Variants in PTPRF observed in about 807,000 individuals in gnomAD.
The protein encoded by PTPRF is protein tyrosine phosphatase receptor type F.
Under a neutral mutation model 201.8 loss-of-function variants are expected in PTPRF, and 59 were observed. The observed-to-expected ratio is 0.29, with a 90% CI of 0.24 to 0.36. The LOEUF is 0.36. PTPRF is among the 10% of genes least tolerant of loss of function. The pLI is 1.00. For missense variants in PTPRF, 2,132 were observed against 2,690.5 expected, an observed-to-expected ratio of 0.79 and a Z score of 4.59; for synonymous variants, 1,088 against 1,089.7, an observed-to-expected ratio of 1.00 and a Z score of 0.03.
At chr1:43,558,813 A>C (rs11580074) in intron 5 of PTPRF, among the ~76,000 whole-genome samples, 1 of 151,808 alleles carries the variant, frequency 6.6e-6, no homozygotes, top group Non-Finnish European at 1.5e-5. Context: ...CAGGAGGTTG[A>C]GGGGCAGTGA....
intron 25 of PTPRF, 46 bp downstream of exon 25, chr1:43,617,957 C>A: frequency 6.4e-7 from 1 of 1,566,582 alleles, no homozygotes; most frequent in Non-Finnish European, 8.7e-7. Context: ...AAATGCCCAG[C>A]CACAAGGTGA....
At position 43,604,127 on chromosome 1, in the gene PTPRF, C is replaced by A; in HGVS notation, c.2975C>A (p.Thr992Asn). 6.2e-7 allele frequency: 1 copy of A among 1,614,192 alleles called. No homozygotes were observed. Among genetic ancestry groups the A allele is most frequent in the South Asian group, 1.1e-5 (1 of 91,088 alleles). The change falls in exon 16 of 34, where the codon ACC (threonine) becomes AAC (asparagine). Residue 992 changes from threonine to asparagine, a missense_variant. Thr to Asn is a moderately conservative substitution (Grantham distance 65). This residue lies in a region of PTPRF where 818 missense variants were observed against 915.3 expected (regional missense o/e 0.89). Coordinates refer to ENST00000359947, the MANE Select transcript of PTPRF (RefSeq NM_002840.5). ...TTYDIKVRAW[T>N]SKGSGPLSPS... ...TACGACATCAAGGTCCGCGCATGGA[C>A]CAGCAAAGGCTCTGGCCCACTCAGC...
At chr1:43,540,526 G>A (rs950550507) in intron 2 of PTPRF, among the ~76,000 whole-genome samples, 4 of 152,322 alleles carry the variant, frequency 2.6e-5, no homozygotes, top group Middle Eastern at 3.4e-3. Flanking sequence ...AGGCTTAGGG[G>A]TTACAGCCGC....
At chr1:43,555,210 G>A (rs937856178) in intron 5 of PTPRF, among the ~76,000 whole-genome samples, 1 of 151,838 alleles carries the variant, frequency 6.6e-6, no homozygotes, top group Non-Finnish European at 1.5e-5. Flanking sequence ...TTGAAAAATT[G>A]GAAAGTATAG....
intron 30 of PTPRF, 68 bp downstream of exon 30, chr1:43,620,289 T>C (rs1334010588): frequency 6.3e-7 from 1 of 1,592,300 alleles, no homozygotes; most frequent in Non-Finnish European, 8.6e-7. Context: ...TTGGGGGAGC[T>C]GCCGCCTATG....
At chr1:43,615,255 C>T (rs1657471395) in intron 23 of PTPRF, among the ~76,000 whole-genome samples, 1 of 152,240 alleles carries the variant, frequency 6.6e-6, no homozygotes, top group African/African-American at 2.4e-5. Flanking sequence ...GGCCCTGCTC[C>T]ACACAAGGCT....
intron 23 of PTPRF, among the ~76,000 whole-genome samples, chr1:43,615,189 A>T (rs952077190): frequency 2.0e-5 from 3 of 152,150 alleles, no homozygotes; most frequent in African/African-American, 7.2e-5. Flanking sequence ...AGGCAAATGG[A>T]TGAGTATGTC....
chr1:43,604,144 C>G lies in PTPRF; in HGVS notation c.2992C>G (p.Pro998Ala), dbSNP rs1336043622. The G allele has an allele frequency of 1.9e-6, 3 of 1,614,032 alleles. No homozygotes were observed. Among genetic ancestry groups the G allele is most frequent in the Non-Finnish European group, 2.5e-6 (3 of 1,180,052 alleles). ...CGCATGGACCAGCAAAGGCTCTGGC[C>G]CACTCAGCCCCAGCATCCAGTCCCG... ...VRAWTSKGSG[P>A]LSPSIQSRTM... Residue 998 changes from proline to alanine, a missense_variant, in exon 16 of 34, where the codon CCA becomes GCA. Physicochemically the swap from Pro to Ala is conservative, Grantham distance 27. Coordinates refer to ENST00000359947, the MANE Select transcript of PTPRF (RefSeq NM_002840.5).
intron 5 of PTPRF, among the ~76,000 whole-genome samples, chr1:43,555,287 C>T (rs1037011951): frequency 4.0e-5 from 6 of 150,008 alleles, no homozygotes; most frequent in Non-Finnish European, 7.4e-5. Context: ...GTTACTTACT[C>T]GTGGCCCATT....
At chr1:43,611,777 T>G (rs928053279) in intron 22 of PTPRF, among the ~76,000 whole-genome samples, 3 of 151,842 alleles carry the variant, frequency 2.0e-5, no homozygotes, top group Non-Finnish European at 4.4e-5. Flanking sequence ...GACAGCAGAG[T>G]CCGGGCTTAA....
rs976429795 is a variant in PTPRF, at chr1:43,542,940, A to G, written c.-45-2091A>G. On this transcript the variant is annotated intron_variant, in intron 2 of 33. Coordinates refer to ENST00000359947, the MANE Select transcript of PTPRF (RefSeq NM_002840.5). The surrounding 1 kb of genome is among the most constrained non-coding windows in gnomAD (Gnocchi z 5.2). ...GCTCATGCTGGGGGCCTATGTCCCT[A>G]TGAAGCCTGCCTGGCAGGGGTTGCA... Among the ~76,000 whole-genome samples, 1 of 152,140 alleles carries G rather than the reference A, an allele frequency of 6.6e-6. No individual in the cohort carries two copies. The highest frequency in any genetic ancestry group is 2.4e-5 in the African/African-American group (1 of 41,402).
At chr1:43,608,857 T>C (rs147376883) in intron 21 of PTPRF, among the ~76,000 whole-genome samples, 8 of 152,276 alleles carry the variant, frequency 5.3e-5, no homozygotes, top group African/African-American at 1.9e-4. Flanking sequence ...ACCCTGTCCT[T>C]GTAGATGGGA....
At chr1:43,577,241 C>T (rs895652002) in intron 6 of PTPRF, among the ~76,000 whole-genome samples, 1 of 152,182 alleles carries the variant, frequency 6.6e-6, no homozygotes, top group African/African-American at 2.4e-5. Context: ...GACCCCTCAG[C>T]GGCCTGAACC....
chr1:43,606,205 A>C (rs538147287), intron 19 of PTPRF, 35 bp from the exon 20 acceptor site: 1 of 1,590,574 alleles, frequency 6.3e-7, no homozygotes, highest in Non-Finnish European at 8.5e-7. Context: ...GCATGCTCCA[A>C]GGCCCCTCAT....
In PTPRF at chr1:43,603,847, G is replaced by A. The variant is rs780417996; in HGVS notation, c.2695G>A (p.Gly899Ser). 6 of 1,614,134 alleles carry A rather than the reference G, an allele frequency of 3.7e-6. No homozygotes were observed. Among genetic ancestry groups the A allele is most frequent in the Non-Finnish European group, 5.1e-6 (6 of 1,180,040 alleles). The change falls in exon 16 of 34, where the codon GGC (glycine) becomes AGC (serine). Residue 899 changes from glycine (G) to serine (S), a missense_variant. By Grantham distance (56) the Gly-to-Ser change is moderately conservative. This residue lies in a region of PTPRF where 818 missense variants were observed against 915.3 expected (regional missense o/e 0.89). Coordinates refer to ENST00000359947, the MANE Select transcript of PTPRF (RefSeq NM_002840.5). This position sits in a 1 kb window ranked among gnomAD's most constrained non-coding sequence, Gnocchi z 5.8. ...IFRLAAKNRA[G>S]LGEEFEKEIR... ...CCGGCTTGCTGCCAAGAACCGGGCTGGCTTGGGTGAGGAGTTCGAGAAGGA... is the reference window on the plus strand; with the variant it reads ...CCGGCTTGCTGCCAAGAACCGGGCTAGCTTGGGTGAGGAGTTCGAGAAGGA...
chr1:43,542,549 A>G lies in PTPRF; in HGVS notation c.-45-2482A>G, dbSNP rs1644421882. 6.6e-6 allele frequency among the ~76,000 whole-genome samples: 1 copy of G among 152,076 alleles called. No homozygotes were observed. Among genetic ancestry groups the G allele is most frequent in the Admixed American group, 6.5e-5 (1 of 15,278 alleles). ...CTCCAACACCCATGGCCAGACTCTC[A>G]TCCAGGCTTGTACCACATGGGTGTC... On this transcript the variant is annotated intron_variant, in intron 2 of 33. Coordinates refer to ENST00000359947, the MANE Select transcript of PTPRF (RefSeq NM_002840.5). This position sits in a 1 kb window ranked among gnomAD's most constrained non-coding sequence, Gnocchi z 5.2.
In PTPRF at chr1:43,554,338, C is replaced by T. The variant is rs59792365; in HGVS notation, c.379+397C>T. 0.015 allele frequency among the ~76,000 whole-genome samples: 2,228 copies of T among 152,186 alleles called. 62 individuals carry two copies. The highest frequency in any genetic ancestry group is 0.05 in the African/African-American group (2,087 of 41,502). ...TCAGGCAGGTGTGTTCCTTGTTGCCCCTGTGAGCTGAGGGCTGGGGCTCTG... is the reference window on the plus strand; with the variant it reads ...TCAGGCAGGTGTGTTCCTTGTTGCCTCTGTGAGCTGAGGGCTGGGGCTCTG... On this transcript the variant is annotated intron_variant, in intron 5 of 33. Coordinates refer to ENST00000359947, the MANE Select transcript of PTPRF (RefSeq NM_002840.5). The surrounding 1 kb of genome is among the most constrained non-coding windows in gnomAD (Gnocchi z 4.1).
intron 5 of PTPRF, among the ~76,000 whole-genome samples, chr1:43,569,088 T>G (rs1004939901): frequency 6.6e-6 from 1 of 152,162 alleles, no homozygotes; most frequent in South Asian, 2.1e-4. Context: ...GACCTGGGGC[T>G]CTGCCATGTG....
At position 43,588,430 on chromosome 1, in the gene PTPRF, G is replaced by A. The variant is rs1355920403; in HGVS notation, c.680-301G>A. On this transcript the variant is annotated intron_variant, in intron 7 of 33. Transcript: ENST00000359947. The surrounding 1 kb of genome is among the most constrained non-coding windows in gnomAD (Gnocchi z 5.3). ...CTGAGTCCCTGTGTGACCCTGGGCA[G>A]ACAGGACCTTCCTGACAGGCCTCAG... Among the ~76,000 whole-genome samples the A allele has an allele frequency of 6.6e-6, 1 of 152,218 alleles. No homozygotes were observed. The highest frequency in any genetic ancestry group is 1.5e-5 in the Non-Finnish European group (1 of 68,040).
Sources: allele counts gnomAD v4.1 joint callset (sites outside exome capture counted in the v4.1 genomes callset), GRCh38; gene constraint gnomAD v4.1.1; regional missense constraint gnomAD v4.1.1; non-coding constraint Gnocchi (gnomAD v3.1); transcripts MANE v1.5; gene names NCBI Gene and HGNC (gene_info 2026-07-23, HGNC 2026-07-21).